The following BPTF variants were observed in gnomAD, a reference collection of about 807,000 sequenced individuals.
The protein encoded by BPTF is bromodomain PHD finger transcription factor, also known as nucleosome-remodeling factor subunit BPTF.
Under a neutral mutation model 292.5 loss-of-function variants are expected in BPTF, and 18 were observed. The ratio of observed to expected loss-of-function variants is 0.06; its 90% CI spans 0.04 to 0.09. BPTF has a LOEUF of 0.09. Among genes scored for constraint, BPTF ranks in the 10% least tolerant of loss-of-function variants. The probability of loss-of-function intolerance (pLI) is 1.00; values close to 1 mark genes in which losing one functional copy is unlikely to be tolerated. For missense variants in BPTF, 2,726 were observed against 3,498.7 expected, an observed-to-expected ratio of 0.78 and a Z score of 5.57; for synonymous variants, 1,225 against 1,251.9, an observed-to-expected ratio of 0.98 and a Z score of 0.45.
In BPTF at chr17:67,940,422, T is replaced by C; in HGVS notation, c.6260-17T>C. The C allele has an allele frequency of 6.2e-7, 1 of 1,610,176 alleles. No homozygotes were observed. The highest frequency in any genetic ancestry group is 8.5e-7 in the Non-Finnish European group (1 of 1,176,904). ...CAAGGGTGTATAAGCATTCATAATG[T>C]TTTGCTGTTTGGGTAGGTGCTCCTC... On this transcript the variant is annotated splice_polypyrimidine_tract_variant and intron_variant, in intron 18 of 27. Coordinates refer to ENST00000306378, the MANE Select transcript of BPTF (RefSeq NM_182641.4).
chr17:67,938,571 G>A (rs1244617945), intron 18 of BPTF, among the ~76,000 whole-genome samples: 1 of 152,208 alleles, frequency 6.6e-6, no homozygotes, highest in East Asian at 1.9e-4. Flanking sequence ...CTGCATGACA[G>A]TGGTGTCATT....
At chr17:67,827,327 A>G (rs938966919) in intron 1 of BPTF, among the ~76,000 whole-genome samples, 1 of 152,196 alleles carries the variant, frequency 6.6e-6, no homozygotes, top group Non-Finnish European at 1.5e-5. Context: ...GAAATCCGTA[A>G]TGAATTTCTC....
At chr17:67,939,927 T>A (rs1329429515) in intron 18 of BPTF, among the ~76,000 whole-genome samples, 1 of 152,226 alleles carries the variant, frequency 6.6e-6, no homozygotes, top group Non-Finnish European at 1.5e-5. Context: ...GTATTGAGGA[T>A]ATAGTGGTCC....
At chr17:67,863,268 C>T (rs905698681) in intron 2 of BPTF, among the ~76,000 whole-genome samples, 1 of 152,034 alleles carries the variant, frequency 6.6e-6, no homozygotes, top group East Asian at 1.9e-4. Flanking sequence ...GTTGCTGCCT[C>T]TATGCTACCT....
intron 1 of BPTF, among the ~76,000 whole-genome samples, chr17:67,826,785 T>G (rs1363768460): frequency 6.6e-6 from 1 of 152,196 alleles, no homozygotes; most frequent in East Asian, 1.9e-4. Context: ...ATTTTTATTA[T>G]ATATCTGTTA....
In BPTF at chr17:67,911,756, A is replaced by G. The variant is rs1350897198; in HGVS notation, c.3872A>G (p.Asn1291Ser). Residue 1291 changes from asparagine (N) to serine (S), a missense_variant, in exon 11 of 28, where the codon AAT becomes AGT. Around this residue, in one of 22 missense-constraint regions of BPTF, gnomAD observed 713 missense variants for 714.9 expected, o/e 1.00. Coordinates refer to ENST00000306378, the MANE Select transcript of BPTF (RefSeq NM_182641.4). ...TCTGAATCTAATAGCACTTTGGAAAATAGTTCTGATACCGTGTCTATTCAG... is the reference window on the plus strand; with the variant it reads ...TCTGAATCTAATAGCACTTTGGAAAGTAGTTCTGATACCGTGTCTATTCAG... ...CDSESNSTLE[N>S]SSDTVSIQDS... 1 of 1,614,202 alleles carries G rather than the reference A, an allele frequency of 6.2e-7. No homozygotes were observed. Among genetic ancestry groups the G allele is most frequent in the Non-Finnish European group, 8.5e-7 (1 of 1,180,040 alleles).
At chr17:67,976,298 C>A (rs1348156011) in intron 27 of BPTF, among the ~76,000 whole-genome samples, 1 of 152,156 alleles carries the variant, frequency 6.6e-6, no homozygotes, top group African/African-American at 2.4e-5. Flanking sequence ...CATGGGGAAA[C>A]CCCGTCTCTA....
At chr17:67,829,093 TTG>T (rs1567848776) in intron 1 of BPTF, among the ~76,000 whole-genome samples, 2 of 147,178 alleles carry the variant, frequency 1.4e-5, no homozygotes, top group African/African-American at 4.9e-5. Context: ...ATTGGTCTAA[TTG>T]TTTTTTGTTT....
chr17:67,924,235 ATGAGCCACCGCACCCGGCC>A (rs1297631792), intron 14 of BPTF, among the ~76,000 whole-genome samples: 1 of 151,858 alleles, frequency 6.6e-6, no homozygotes. Context: ...GATTACAGGC[ATGAGCCACCGCACCCGGCC>A]TGAGCCACTG....
chr17:67,832,350 T>G (rs1393133950), intron 1 of BPTF, among the ~76,000 whole-genome samples: 1 of 152,150 alleles, frequency 6.6e-6, no homozygotes. Flanking sequence ...ATAATTATAA[T>G]GTTTTAATTG....
At chr17:67,880,737 A>G (rs887247491) in intron 4 of BPTF, among the ~76,000 whole-genome samples, 1 of 151,992 alleles carries the variant, frequency 6.6e-6, no homozygotes, top group East Asian at 1.9e-4. Flanking sequence ...CCTGAGCTCA[A>G]GTGATTATCC....
At chr17:67,836,895 T>G (rs1181869186) in intron 1 of BPTF, among the ~76,000 whole-genome samples, 1 of 152,218 alleles carries the variant, frequency 6.6e-6, no homozygotes, top group African/African-American at 2.4e-5. Context: ...ACATACATAT[T>G]TGAACTTTTG....
At chr17:67,844,559 C>CT (rs781082621) in intron 1 of BPTF, among the ~76,000 whole-genome samples, 12,751 of 128,340 alleles carry the variant, frequency 0.099, 757 homozygotes, top group African/African-American at 0.18. Flanking sequence ...TTTTTTTTTT[C>CT]TTTTTTTTTT....
intron 26 of BPTF, among the ~76,000 whole-genome samples, chr17:67,970,227 A>G (rs1167943695): frequency 1.7e-4 from 25 of 148,846 alleles, no homozygotes; most frequent in African/African-American, 6.0e-4. Context: ...CAAGAGTGAA[A>G]CTCCATCTCA....
Position 67,909,602 on chromosome 17 carries a change from A to G in BPTF, c.2833A>G (p.Asn945Asp). Residue 945 changes from asparagine to aspartate, a missense_variant, in exon 10 of 28, where the codon AAT becomes GAT. By Grantham distance (23) the Asn-to-Asp change is conservative (BLOSUM62 1). This residue lies in a region of BPTF where 713 missense variants were observed against 714.9 expected (regional missense o/e 1.00). Transcript: ENST00000306378. ...TTTAGCCAAAAATAATATGGATGAA[A>G]ATATGGATGAGTCAGATAAAAGAAA... ...LEGTKNNMDE[N>D]MDESDKRKCS... 1 of 1,564,712 alleles carries G rather than the reference A, an allele frequency of 6.4e-7. No homozygotes were observed. The highest frequency in any genetic ancestry group is 8.6e-7 in the Non-Finnish European group (1 of 1,160,860).
At chr17:67,878,135 G>T (rs1230506041) in intron 4 of BPTF, among the ~76,000 whole-genome samples, 1 of 151,964 alleles carries the variant, frequency 6.6e-6, no homozygotes, top group Non-Finnish European at 1.5e-5. Context: ...AAAATTACTG[G>T]AACCATACAG....
At chr17:67,978,450 C>G (rs1160492112) in intron 27 of BPTF, among the ~76,000 whole-genome samples, 3 of 151,928 alleles carry the variant, frequency 2.0e-5, no homozygotes, top group African/African-American at 7.3e-5. Context: ...AGGCAGCCAC[C>G]ACCATGCCCA....
chr17:67,940,552 A>T lies in BPTF; in HGVS notation c.6373A>T (p.Thr2125Ser). The T allele has an allele frequency of 1.2e-6, 2 of 1,614,118 alleles. No individual in the cohort carries two copies. The highest frequency in any genetic ancestry group is 1.7e-6 in the Non-Finnish European group (2 of 1,180,022). ...TGGGCAGAAAAGCTTAACTTCAGCAACGTCCACTTCAAATATACAGTCTTC... is the reference window on the plus strand; with the variant it reads ...TGGGCAGAAAAGCTTAACTTCAGCATCGTCCACTTCAAATATACAGTCTTC... ...TPGQKSLTSA[T>S]STSNIQSSAS... The change falls in exon 19 of 28, where the codon ACG becomes TCG. Residue 2125 changes from threonine to serine, a missense_variant. Thr to Ser is a moderately conservative substitution (Grantham distance 58, BLOSUM62 1). Around this residue, in one of 22 missense-constraint regions of BPTF, gnomAD observed 570 missense variants for 633.5 expected, o/e 0.90. Coordinates refer to ENST00000306378, the MANE Select transcript of BPTF (RefSeq NM_182641.4).
chr17:67,973,571 G>T (rs1212240692), intron 26 of BPTF, among the ~76,000 whole-genome samples: 1 of 151,656 alleles, frequency 6.6e-6, no homozygotes, highest in Non-Finnish European at 1.5e-5. Context: ...GCAGTGGTGC[G>T]ATCTTGGCTC....
Sources: gnomAD v4.1 joint callset for allele counts (sites outside exome capture counted in the v4.1 genomes callset) on GRCh38, gnomAD v4.1.1 for gene constraint, gnomAD v4.1.1 regional missense constraint, MANE v1.5 for transcripts, NCBI Gene and HGNC (gene_info 2026-07-23, HGNC 2026-07-21) for gene names.